AGBL3: variants seen among roughly 807,000 people sequenced by gnomAD.
AGBL3 encodes cytosolic carboxypeptidase 3.
AGBL3 carries 68 observed loss-of-function variants against 94.5 expected under a neutral mutation model. The observed-to-expected ratio is 0.72, with a 90% CI of 0.59 to 0.88. The LOEUF is 0.88. AGBL3 is among the 40% of genes least tolerant of loss of function. AGBL3 has a pLI of 0.00. For missense variants in AGBL3, 934 were observed against 1,103.8 expected (o/e 0.85, Z 2.18); for synonymous variants, 354 against 370.7 (o/e 0.95, Z 0.52).
rs143901673 is a variant in AGBL3 at position 135,036,926 on chromosome 7, C to CTTTT, written c.1338-486_1338-483dup. 3.7e-3 allele frequency among the ~76,000 whole-genome samples: 556 copies of CTTTT among 150,974 alleles called. 1 individual carries two copies. The highest frequency in any genetic ancestry group is 0.012 in the African/African-American group (507 of 41,180). On this transcript the variant is annotated intron_variant, in intron 7 of 16. Coordinates refer to ENST00000436302, the MANE Select transcript of AGBL3 (RefSeq NM_178563.4). ...ATAATGGAAGGCTACTGCATGCAGA[C>CTTTT]TTTTTTTTTAGACGGAGTCTCACTC...
rs545908506 is a variant in AGBL3 at position 135,070,720 on chromosome 7, G to T, written c.1909-5677G>T. Reference sequence around the variant, plus strand: ...TCAATAAATTAGGTATTGATGGGACGTATCTCAAAATAATAAGAGCTATCT... The same window carrying T: ...TCAATAAATTAGGTATTGATGGGACTTATCTCAAAATAATAAGAGCTATCT... On this transcript the variant is annotated intron_variant, in intron 12 of 16. Transcript: ENST00000436302. Among the ~76,000 whole-genome samples the T allele has an allele frequency of 4.0e-5, 6 of 151,436 alleles. No homozygotes were observed. In the South Asian group the frequency reaches 1.3e-3, roughly 32 times the overall value.
chr7:135,055,526 T>TG (rs1275130103), intron 11 of AGBL3, among the ~76,000 whole-genome samples: 1 of 152,002 alleles, frequency 6.6e-6, no homozygotes, highest in East Asian at 1.9e-4. Context: ...TGATATAATT[T>TG]TTTTTCTGCT....
intron 15 of AGBL3, among the ~76,000 whole-genome samples, chr7:135,102,196 C>T (rs1431862912): frequency 1.3e-5 from 2 of 152,186 alleles, no homozygotes; most frequent in Admixed American, 1.3e-4. Flanking sequence ...GTCAAATTCA[C>T]CGCTCCAAAT....
chr7:134,999,476 T>G (rs1016008672), intron 4 of AGBL3, among the ~76,000 whole-genome samples: 5 of 152,186 alleles, frequency 3.3e-5, no homozygotes, highest in African/African-American at 7.2e-5. Flanking sequence ...ATGCCTACAT[T>G]CCTACACCTC....
At chr7:134,989,404 A>G in intron 3 of AGBL3, 94 bp downstream of exon 3, 4 of 830,394 alleles carry the variant, frequency 4.8e-6, no homozygotes, top group Non-Finnish European at 5.5e-6. Context: ...TGAATAATAT[A>G]GGGAATGATT....
chr7:135,109,914 C>G (rs997138995), intron 15 of AGBL3, among the ~76,000 whole-genome samples: 1 of 152,212 alleles, frequency 6.6e-6, no homozygotes. Flanking sequence ...AGGCTCTGAA[C>G]CACTGCCAGC....
At chr7:135,056,491 T>A (rs1301596056) in intron 11 of AGBL3, among the ~76,000 whole-genome samples, 2 of 152,094 alleles carry the variant, frequency 1.3e-5, no homozygotes, top group Non-Finnish European at 2.9e-5. Context: ...TGGACATGGT[T>A]ATCTATGTAG....
intron 12 of AGBL3, among the ~76,000 whole-genome samples, chr7:135,075,357 T>C (rs1820351173): frequency 6.6e-6 from 1 of 152,214 alleles, no homozygotes; most frequent in South Asian, 2.1e-4. Context: ...TTTTATCAGT[T>C]GGCATACTTC....
intron 2 of AGBL3, 112 bp downstream of exon 2, chr7:134,988,108 T>C (rs1230913538): frequency 1.2e-6 from 1 of 845,092 alleles, no homozygotes; most frequent in East Asian, 2.9e-5. Flanking sequence ...ATGTTTAAAT[T>C]ATTGTCATTG....
At chr7:135,029,806 C>G (rs1815524179) in intron 5 of AGBL3, among the ~76,000 whole-genome samples, 1 of 152,110 alleles carries the variant, frequency 6.6e-6, no homozygotes, top group South Asian at 2.1e-4. Context: ...GTGTGACTCT[C>G]CACTTGAGCA....
intron 4 of AGBL3, among the ~76,000 whole-genome samples, chr7:134,998,784 T>C (rs1811336125): frequency 6.6e-6 from 1 of 152,180 alleles, no homozygotes; most frequent in Non-Finnish European, 1.5e-5. Flanking sequence ...TGCTTAAGAA[T>C]GATTCCTGTT....
intron 4 of AGBL3, among the ~76,000 whole-genome samples, chr7:134,999,323 G>C (rs993903867): frequency 2.6e-5 from 4 of 152,190 alleles, no homozygotes; most frequent in Non-Finnish European, 5.9e-5. Flanking sequence ...ACAGCATTCC[G>C]ATGTAGTTAC....
At chr7:135,033,628 TAAGTA>T (rs1408516990) in intron 6 of AGBL3, among the ~76,000 whole-genome samples, 4 of 152,338 alleles carry the variant, frequency 2.6e-5, no homozygotes, top group African/African-American at 9.6e-5. Context: ...CTCCAAAGAC[TAAGTA>T]AAGGGATGCA....
chr7:135,009,768 T>G (rs990787671), intron 4 of AGBL3, among the ~76,000 whole-genome samples: 4 of 152,212 alleles, frequency 2.6e-5, no homozygotes, highest in Non-Finnish European at 5.9e-5. Flanking sequence ...CCCAAGGGGC[T>G]TCACACTCAC....
intron 12 of AGBL3, among the ~76,000 whole-genome samples, chr7:135,059,654 T>C (rs894370984): frequency 5.9e-5 from 9 of 152,200 alleles, no homozygotes; most frequent in African/African-American, 2.2e-4. Context: ...TCTTACATTC[T>C]GGCTGGGGGA....
chr7:134,989,292 C>T lies in AGBL3; in HGVS notation c.106C>T (p.Arg36Trp), dbSNP rs1011066497. 7.1e-6 allele frequency: 11 copies of T among 1,546,782 alleles called. No individual in the cohort carries two copies. The South Asian group carries it at 7.2e-5, about 10-fold the overall frequency. Reference sequence around the variant, plus strand: ...GAAATTTGTAAGTGAAGATCTTCATCGGTGTGCACTTTTAACAGGTTTGAA... The same window carrying T: ...GAAATTTGTAAGTGAAGATCTTCATTGGTGTGCACTTTTAACAGGTTTGAA... Reference protein sequence around the residue: ...FMKFVSEDLHRCALLTADSFG... With the variant: ...FMKFVSEDLHWCALLTADSFG... The change falls in exon 3 of 17, where the codon CGG (arginine) becomes TGG (tryptophan). Residue 36 changes from arginine (R) to tryptophan (W), a missense_variant. Physicochemically the swap from Arg to Trp is moderately radical, Grantham distance 101 (BLOSUM62 -3). This residue lies in a region of AGBL3 where 488 missense variants were observed against 563.6 expected (regional missense o/e 0.87). Transcript: ENST00000436302.
In AGBL3 at chr7:135,034,913, G is replaced by A. The variant is rs535400235; in HGVS notation, c.1322G>A (p.Arg441Gln). The part of the protein sequence containing the change: ...KESFPSVWYT[R>Q]NMVHRLMEKR... ...TCTTTTCCTTCTGTATGGTATACCC[G>A]GAACATGGTTCATAGGTAAAATAAG... The change falls in exon 7 of 17, where the codon CGG becomes CAG. Residue 441 changes from arginine (R) to glutamine (Q), a missense_variant. By Grantham distance (43) the Arg-to-Gln change is conservative (BLOSUM62 1). Around this residue, in one of 3 missense-constraint regions of AGBL3, gnomAD observed 488 missense variants for 563.6 expected, o/e 0.87. Transcript: ENST00000436302. 30 of 1,514,266 alleles carry A rather than the reference G, an allele frequency of 2.0e-5. No individual in the cohort carries two copies. The highest frequency in any genetic ancestry group is 2.0e-4 in the South Asian group (15 of 76,186). The allele number at this position is 1,514,266 out of a possible 1,614,324, so 93.8% of individuals were successfully genotyped here. A position where few individuals can be genotyped will look rare whatever the true frequency, so the allele number is the denominator to read the frequency against.
At chr7:135,077,756 A>T (rs767890559) in intron 13 of AGBL3, among the ~76,000 whole-genome samples, 10 of 152,104 alleles carry the variant, frequency 6.6e-5, no homozygotes, top group Non-Finnish European at 1.5e-4. Flanking sequence ...AAACGTTCAC[A>T]TACCAGTTAA....
intron 3 of AGBL3, 21 bp from the exon 4 acceptor site, chr7:134,993,472 G>A: frequency 1.3e-6 from 2 of 1,514,896 alleles, no homozygotes; most frequent in Non-Finnish European, 1.8e-6. Context: ...ACTCATGATT[G>A]TGTTTGAATC....
Sources: gnomAD v4.1 joint callset for allele counts (sites outside exome capture counted in the v4.1 genomes callset) on GRCh38, gnomAD v4.1.1 for gene constraint, gnomAD v4.1.1 regional missense constraint, MANE v1.5 for transcripts, NCBI Gene and HGNC (gene_info 2026-07-23, HGNC 2026-07-21) for gene names.